The following FRYL variants were observed in gnomAD, a reference collection of about 807,000 sequenced individuals.
FRYL encodes the protein FRY like transcription coactivator, also known as protein furry homolog-like.
FRYL carries 150 observed loss-of-function variants against 351.2 expected under a neutral mutation model. The ratio of observed to expected loss-of-function variants is 0.43; its 90% CI spans 0.37 to 0.49. The LOEUF is 0.49. Among genes scored for constraint, FRYL ranks in the 20% least tolerant of loss-of-function variants. FRYL has a pLI of 0.00. For missense variants in FRYL, 3,036 were observed against 3,619.3 expected (o/e 0.84, Z 4.13); for synonymous variants, 1,153 against 1,257.1 (o/e 0.92, Z 1.75).
At chr4:48,682,937 T>C (rs1036730376) in intron 3 of FRYL, among the ~76,000 whole-genome samples, 1 of 152,182 alleles carries the variant, frequency 6.6e-6, no homozygotes, top group Non-Finnish European at 1.5e-5. Flanking sequence ...CAAAGAATTA[T>C]AAATCATTCT....
intron 3 of FRYL, among the ~76,000 whole-genome samples, chr4:48,670,242 T>C (rs1342181284): frequency 4.6e-5 from 7 of 152,078 alleles, no homozygotes; most frequent in Admixed American, 1.3e-4. Context: ...GAGATCAGTC[T>C]GGCCAACATG....
intron 1 of FRYL, among the ~76,000 whole-genome samples, chr4:48,763,565 A>C (rs1282709812): frequency 6.6e-6 from 1 of 152,220 alleles, no homozygotes; most frequent in African/African-American, 2.4e-5. Flanking sequence ...ACCCCTTAAA[A>C]GTAAGATGAT....
chr4:48,756,905 G>A (rs373837503), intron 1 of FRYL, among the ~76,000 whole-genome samples: 38 of 152,288 alleles, frequency 2.5e-4, no homozygotes, highest in East Asian at 2.1e-3. Context: ...CCATGATTGC[G>A]CCACTGCACT....
intron 35 of FRYL, 71 bp downstream of exon 35, chr4:48,556,907 A>G: frequency 7.3e-7 from 1 of 1,363,664 alleles, no homozygotes; most frequent in Non-Finnish European, 9.9e-7. Flanking sequence ...ACTGCTGCCC[A>G]TACTCTGACA....
At chr4:48,658,584 C>CAAAAA (rs11388062) in intron 3 of FRYL, among the ~76,000 whole-genome samples, 1 of 95,890 alleles carries the variant, frequency 1.0e-5, no homozygotes. Flanking sequence ...CAAAAAAATA[C>CAAAAA]AAAAAAAAAA....
chr4:48,505,694 CTTAAAG>C (rs1720760422), intron 59 of FRYL, 79 bp from the exon 60 acceptor site: 2 of 849,040 alleles, frequency 2.4e-6, no homozygotes, highest in African/African-American at 3.4e-5. Context: ...CAACACCAAA[CTTAAAG>C]TTAACTTGAA....
At chr4:48,716,027 G>C (rs979860373) in intron 1 of FRYL, among the ~76,000 whole-genome samples, 1 of 152,112 alleles carries the variant, frequency 6.6e-6, no homozygotes, top group Non-Finnish European at 1.5e-5. Context: ...AATGGGGAAA[G>C]GATTCCCTAT....
intron 1 of FRYL, among the ~76,000 whole-genome samples, chr4:48,753,581 A>G (rs1773471652): frequency 1.3e-5 from 2 of 151,926 alleles, no homozygotes; most frequent in African/African-American, 4.8e-5. Flanking sequence ...ATTTTCTCCC[A>G]TTTTCACTTT....
At chr4:48,721,828 T>C (rs913952213) in intron 1 of FRYL, among the ~76,000 whole-genome samples, 2 of 152,114 alleles carry the variant, frequency 1.3e-5, no homozygotes, top group African/African-American at 2.4e-5. Flanking sequence ...TTAGTACAGA[T>C]GAGGTTTCAC....
rs111337451 is a variant in FRYL, at chr4:48,667,711, G to A, written c.-81+16962C>T. On this transcript the variant is annotated intron_variant, in intron 3 of 63. Coordinates refer to ENST00000358350, the MANE Select transcript of FRYL (RefSeq NM_015030.2). ...CTCCCAGACTGGAGTGCAGTGGTGC[G>A]ATCTCAGTTCACTGTAACCTCCGCC... Among the ~76,000 whole-genome samples, 888 of 152,052 alleles carry A rather than the reference G, an allele frequency of 5.8e-3. 12 individuals carry two copies. Among genetic ancestry groups the A allele is most frequent in the African/African-American group, 0.013 (524 of 41,476 alleles).
intron 1 of FRYL, among the ~76,000 whole-genome samples, chr4:48,718,517 T>C (rs1769119049): frequency 6.6e-6 from 1 of 151,558 alleles, no homozygotes; most frequent in South Asian, 2.1e-4. Flanking sequence ...TGAACATAAG[T>C]ACACTACTAT....
chr4:48,692,264 G>A (rs1281779108), intron 2 of FRYL, among the ~76,000 whole-genome samples: 2 of 152,114 alleles, frequency 1.3e-5, no homozygotes, highest in African/African-American at 4.8e-5. Context: ...TTTTGACTAG[G>A]TCAGGAAGTA....
chr4:48,682,203 A>G (rs1302479269), intron 3 of FRYL, among the ~76,000 whole-genome samples: 2 of 152,232 alleles, frequency 1.3e-5, no homozygotes, highest in African/African-American at 4.8e-5. Context: ...TGATTTGCAT[A>G]GTATTTCAAA....
intron 2 of FRYL, among the ~76,000 whole-genome samples, chr4:48,708,220 A>G (rs1289095211): frequency 2.0e-5 from 3 of 151,374 alleles, no homozygotes; most frequent in Non-Finnish European, 4.4e-5. Context: ...CGGAGGTTGC[A>G]GTAAGCCGAG....
rs1387007830 is a variant in FRYL, at chr4:48,517,325, C to T, written c.7690-2050G>A. Among the ~76,000 whole-genome samples the T allele has an allele frequency of 2.6e-5, 4 of 152,154 alleles. No individual in the cohort carries two copies. The South Asian group carries it at 6.2e-4, about 24-fold the overall frequency. ...AATGCCCTCACTTTTCATTAGTTCA[C>T]ACCTGCAGTGGATTGTCATTTTTTC... is the stretch of plus-strand genomic sequence containing the variant. On this transcript the variant is annotated intron_variant, in intron 55 of 63. Coordinates refer to ENST00000358350, the MANE Select transcript of FRYL (RefSeq NM_015030.2).
chr4:48,561,871 C>T (rs570384222), intron 32 of FRYL, among the ~76,000 whole-genome samples: 2 of 151,942 alleles, frequency 1.3e-5, no homozygotes, highest in Non-Finnish European at 2.9e-5. Context: ...AAAAAATTAG[C>T]CAGATGTGGT....
At chr4:48,730,428 T>C (rs191269323) in intron 1 of FRYL, among the ~76,000 whole-genome samples, 208 of 152,182 alleles carry the variant, frequency 1.4e-3, no homozygotes, top group African/African-American at 4.9e-3. Flanking sequence ...AGCCACGTAA[T>C]TGTCAGATTC....
At chr4:48,569,855 C>T (rs543855313) in intron 27 of FRYL, among the ~76,000 whole-genome samples, 1 of 152,266 alleles carries the variant, frequency 6.6e-6, no homozygotes, top group South Asian at 2.1e-4. Flanking sequence ...GCTCTTTTCC[C>T]AGGCTGCAGT....
chr4:48,617,241 C>T (rs1456378762), intron 7 of FRYL, among the ~76,000 whole-genome samples: 1 of 151,664 alleles, frequency 6.6e-6, no homozygotes, highest in East Asian at 1.9e-4. Flanking sequence ...CTATCAAGGC[C>T]ACTGTATTTC....
Sources: allele counts gnomAD v4.1 joint callset (sites outside exome capture counted in the v4.1 genomes callset), GRCh38; gene constraint gnomAD v4.1.1; transcripts MANE v1.5; gene names NCBI Gene and HGNC (gene_info 2026-07-23, HGNC 2026-07-21).